HPSE2: variants seen among roughly 807,000 people sequenced by gnomAD.
HPSE2 encodes the protein inactive heparanase-2.
Under a neutral mutation model 60.5 loss-of-function variants are expected in HPSE2, and 38 were observed. The observed-to-expected ratio is 0.63, with a 90% CI of 0.48 to 0.82. The LOEUF (loss-of-function observed/expected upper bound fraction) is 0.82, where lower values mean the gene tolerates loss of function less well. Among genes scored for constraint, HPSE2 ranks in the 40% least tolerant of loss-of-function variants. The pLI is 0.00. For synonymous variants in HPSE2, 295 were observed against 293.2 expected (o/e 1.01, Z -0.06); for missense variants, 713 against 740.4 (o/e 0.96, Z 0.43).
chr10:99,242,385 T>A, the HPSE2 span, among the ~76,000 whole-genome samples: 1 of 152,216 alleles, frequency 6.6e-6, no homozygotes, highest in Non-Finnish European at 1.5e-5. Flanking sequence ...AAAACTCTGG[T>A]CTTTGTCCTT....
chr10:98,771,833 G>A (rs932198672), intron 3 of HPSE2, among the ~76,000 whole-genome samples: 6 of 152,164 alleles, frequency 3.9e-5, no homozygotes, highest in Non-Finnish European at 7.4e-5. Flanking sequence ...GTTGAGCAAC[G>A]TAGAAGTACC....
At chr10:99,056,874 G>A (rs1326363556) in intron 3 of HPSE2, among the ~76,000 whole-genome samples, 1 of 152,118 alleles carries the variant, frequency 6.6e-6, no homozygotes, top group African/African-American at 2.4e-5. Context: ...ATCAATTGTA[G>A]GATATTCATA....
At chr10:98,683,792 T>A (rs1230689590) in intron 6 of HPSE2, among the ~76,000 whole-genome samples, 1 of 151,960 alleles carries the variant, frequency 6.6e-6, no homozygotes, top group Non-Finnish European at 1.5e-5. Context: ...TTCCCTAAAC[T>A]GAAGGGCACT....
chr10:99,068,234 A>G lies in HPSE2; in HGVS notation c.610+76004T>C, dbSNP rs186403044. Among the ~76,000 whole-genome samples, 259 of 152,298 alleles carry G rather than the reference A, an allele frequency of 1.7e-3. 2 individuals are homozygous for G. Among genetic ancestry groups the G allele is most frequent in the Non-Finnish European group, 3.2e-4 (22 of 68,028 alleles). ...GTCTCTGCCTGTTACCCAGTTCCAA[A>G]GTCACTTCCACATTTTCAGGTATTT... On this transcript the variant is annotated intron_variant, in intron 3 of 11. Transcript: ENST00000370552.
chr10:99,149,276 T>C (rs1846172016), intron 2 of HPSE2, among the ~76,000 whole-genome samples: 1 of 152,110 alleles, frequency 6.6e-6, no homozygotes, highest in East Asian at 1.9e-4. Flanking sequence ...TTCCCATCCC[T>C]GGAGATATTC....
chr10:99,195,154 A>G (rs1293330953), intron 2 of HPSE2, among the ~76,000 whole-genome samples: 1 of 152,200 alleles, frequency 6.6e-6, no homozygotes, highest in Non-Finnish European at 1.5e-5. Context: ...TGATGCTAAA[A>G]AAGCATTTGA....
At chr10:98,462,255 T>C (rs1284507807) in intron 11 of HPSE2, among the ~76,000 whole-genome samples, 1 of 152,240 alleles carries the variant, frequency 6.6e-6, no homozygotes, top group Non-Finnish European at 1.5e-5. Flanking sequence ...CTTGGCTCAC[T>C]GCAACCTCTG....
chr10:98,900,610 G>A (rs934416506), intron 3 of HPSE2, among the ~76,000 whole-genome samples: 6 of 152,090 alleles, frequency 3.9e-5, no homozygotes, highest in African/African-American at 1.2e-4. Flanking sequence ...TTATTGTAAT[G>A]TCAATTATAC....
intron 9 of HPSE2, among the ~76,000 whole-genome samples, chr10:98,607,087 C>G (rs11189714): frequency 6.9e-6 from 1 of 143,896 alleles, no homozygotes. Flanking sequence ...CTCTCCCTCC[C>G]TCCCTCCCTC....
intron 5 of HPSE2, among the ~76,000 whole-genome samples, chr10:98,713,718 A>AT (rs373081504): frequency 2.0e-5 from 3 of 151,012 alleles, no homozygotes; most frequent in Admixed American, 6.6e-5. Flanking sequence ...GGAATGTTTT[A>AT]TTTTTTTTTC....
At chr10:98,966,170 C>T (rs529686190) in intron 3 of HPSE2, among the ~76,000 whole-genome samples, 9 of 152,268 alleles carry the variant, frequency 5.9e-5, no homozygotes, top group Admixed American at 4.6e-4. Flanking sequence ...GGCTTACAGG[C>T]GTGAGCCACT....
intron 3 of HPSE2, among the ~76,000 whole-genome samples, chr10:99,143,935 T>C (rs1040102555): frequency 1.3e-5 from 2 of 152,196 alleles, no homozygotes; most frequent in African/African-American, 4.8e-5. Context: ...AAATAGCTGC[T>C]TCTTAAAAGA....
intron 3 of HPSE2, among the ~76,000 whole-genome samples, chr10:98,960,716 T>TTTTTTTTTAA (rs1955641790): frequency 9.6e-6 from 1 of 104,602 alleles, no homozygotes; most frequent in African/African-American, 4.5e-5. Flanking sequence ...TTTTTTTTTT[T>TTTTTTTTTAA]TTTTGTTTTA....
At chr10:98,550,135 T>C (rs559693459) in intron 9 of HPSE2, among the ~76,000 whole-genome samples, 19 of 152,218 alleles carry the variant, frequency 1.2e-4, no homozygotes, top group Non-Finnish European at 2.5e-4. Flanking sequence ...CTCTCTGTGT[T>C]CCAGTCATGC....
intron 1 of HPSE2, among the ~76,000 whole-genome samples, chr10:99,234,910 T>C (rs1487947837): frequency 6.6e-6 from 1 of 151,858 alleles, no homozygotes; most frequent in Non-Finnish European, 1.5e-5. Context: ...AGTCCTGAAG[T>C]CTGGAAATGA....
the HPSE2 span, among the ~76,000 whole-genome samples, chr10:99,275,340 T>G: frequency 6.6e-6 from 1 of 152,172 alleles, no homozygotes; most frequent in Non-Finnish European, 1.5e-5. Context: ...TTGCAGGTGC[T>G]CATGCAGATG....
rs868628980 is a variant in HPSE2 at position 98,989,029 on chromosome 10, C to T, written c.610+155209G>A. On this transcript the variant is annotated intron_variant, in intron 3 of 11. Transcript: ENST00000370552. ...TGGAGAGGATGTGGAGAAATAGGAA[C>T]ACTTTTACACTGTTGGTGGGACTGT... 7.9e-5 allele frequency among the ~76,000 whole-genome samples: 12 copies of T among 151,182 alleles called. No individual in the cohort carries two copies. In the South Asian group the frequency reaches 2.6e-3, roughly 32 times the overall value.
At chr10:99,236,614 C>T (rs1322621177), upstream of HPSE2, among the ~76,000 whole-genome samples, 6 of 152,140 alleles carry the variant, frequency 3.9e-5, no homozygotes, top group Non-Finnish European at 8.8e-5. Flanking sequence ...ACCGAAGCAT[C>T]CTCTGACCTC....
intron 3 of HPSE2, among the ~76,000 whole-genome samples, chr10:99,032,681 G>A (rs1957524136): frequency 6.6e-6 from 1 of 152,156 alleles, no homozygotes. Context: ...GTATGAAATG[G>A]ATTTCAGTGG....
Sources: allele counts gnomAD v4.1 joint callset (sites outside exome capture counted in the v4.1 genomes callset), GRCh38; gene constraint gnomAD v4.1.1; transcripts MANE v1.5; gene names NCBI Gene and HGNC (gene_info 2026-07-23, HGNC 2026-07-21).